The following CDH4 variants were observed in gnomAD, a reference collection of about 807,000 sequenced individuals.
The protein encoded by CDH4 is cadherin-4.
A neutral mutation model predicts 86.0 loss-of-function variants in CDH4; 33 were observed. The ratio of observed to expected loss-of-function variants is 0.38; its 90% CI spans 0.29 to 0.51. The LOEUF is 0.51. Ranked by LOEUF, CDH4 falls within the 20% of genes least tolerant of loss-of-function variation. The probability of loss-of-function intolerance (pLI) is 0.86; values close to 1 mark genes in which losing one functional copy is unlikely to be tolerated. For synonymous variants in CDH4, 555 were observed against 549.4 expected (o/e 1.01, Z -0.14); for missense variants, 1,114 against 1,307.4 (o/e 0.85, Z 2.28).
intron 7 of CDH4, among the ~76,000 whole-genome samples, chr20:61,878,038 G>T (rs942844165): frequency 3.9e-5 from 6 of 152,180 alleles, no homozygotes; most frequent in Non-Finnish European, 8.8e-5. Flanking sequence ...GACGGGCGTG[G>T]TCATCCCAGA....
chr20:61,370,679 T>G (rs1330342211), intron 2 of CDH4: 1 of 152,234 alleles, frequency 6.6e-6, no homozygotes, highest in Non-Finnish European at 1.5e-5. Flanking sequence ...TGTAAATAAC[T>G]CAATGGTAAA....
At chr20:61,453,254 CA>C (rs1399976632) in intron 2 of CDH4, among the ~76,000 whole-genome samples, 2 of 152,120 alleles carry the variant, frequency 1.3e-5, no homozygotes, top group African/African-American at 4.8e-5. Context: ...ATTTTTCTGT[CA>C]TGGGAGCAGT....
intron 2 of CDH4, among the ~76,000 whole-genome samples, chr20:61,690,745 A>T (rs370026290): frequency 6.6e-6 from 1 of 152,136 alleles, no homozygotes; most frequent in African/African-American, 2.4e-5. Context: ...ACCTCTCCTC[A>T]CAATGGACTT....
At chr20:61,923,886 T>C (rs1477851333) in intron 10 of CDH4, among the ~76,000 whole-genome samples, 182 bp downstream of exon 10, 1 of 152,222 alleles carries the variant, frequency 6.6e-6, no homozygotes, top group African/African-American at 2.4e-5. Flanking sequence ...GATAGCCAGA[T>C]GCAGCCCCTG....
At chr20:61,477,833 G>A (rs6061543) in intron 2 of CDH4, among the ~76,000 whole-genome samples, 21,421 of 152,168 alleles carry the variant, frequency 0.14, 2,608 homozygotes, top group African/African-American at 0.33. Flanking sequence ...TCATGATCCC[G>A]TTGCTGGGTG....
chr20:61,388,431 C>A (rs922676599), intron 2 of CDH4, among the ~76,000 whole-genome samples: 11 of 129,766 alleles, frequency 8.5e-5, no homozygotes, highest in African/African-American at 3.0e-4. Context: ...CACTTCCTGT[C>A]CCAGAAGTGG....
intron 2 of CDH4, among the ~76,000 whole-genome samples, chr20:61,622,495 A>T (rs2086786753): frequency 6.6e-6 from 1 of 152,278 alleles, no homozygotes; most frequent in South Asian, 2.1e-4. Context: ...TCCGAGGACC[A>T]GACACTTGTG....
intron 2 of CDH4, among the ~76,000 whole-genome samples, chr20:61,389,498 T>C (rs1476180658): frequency 6.6e-6 from 1 of 152,200 alleles, no homozygotes; most frequent in East Asian, 1.9e-4. Context: ...TATTTGTTGA[T>C]TGGATTTGAC....
At chr20:61,885,176 A>G (rs1419222825) in intron 7 of CDH4, among the ~76,000 whole-genome samples, 1 of 152,176 alleles carries the variant, frequency 6.6e-6, no homozygotes, top group Non-Finnish European at 1.5e-5. Flanking sequence ...CTCACACGCC[A>G]CCAAACACAC....
At chr20:61,481,781 C>T (rs184816836) in intron 2 of CDH4, among the ~76,000 whole-genome samples, 2 of 152,080 alleles carry the variant, frequency 1.3e-5, no homozygotes, top group Admixed American at 6.5e-5. Context: ...CTGTTTGTGC[C>T]GTTATGTATA....
At chr20:61,685,171 G>A (rs1164865353) in intron 2 of CDH4, among the ~76,000 whole-genome samples, 1 of 152,210 alleles carries the variant, frequency 6.6e-6, no homozygotes, top group African/African-American at 2.4e-5. Context: ...TGCTACAGGT[G>A]GGATTGTCTT....
intron 7 of CDH4, among the ~76,000 whole-genome samples, chr20:61,892,456 C>T (rs1600743557): frequency 2.0e-5 from 3 of 152,136 alleles, no homozygotes; most frequent in East Asian, 1.9e-4. Flanking sequence ...ACACAATAAA[C>T]GTAAAAGTGC....
chr20:61,511,666 GAGAA>G (rs1294005558), intron 2 of CDH4, among the ~76,000 whole-genome samples: 1 of 152,208 alleles, frequency 6.6e-6, no homozygotes, highest in Non-Finnish European at 1.5e-5. Context: ...TTTCTAGATG[GAGAA>G]AGAAAGACGA....
chr20:61,526,427 C>T (rs1200588224), intron 2 of CDH4, among the ~76,000 whole-genome samples: 3 of 152,044 alleles, frequency 2.0e-5, no homozygotes, highest in Non-Finnish European at 2.9e-5. Flanking sequence ...ATGTCTCCTC[C>T]GACGATGGAC....
At chr20:61,760,430 GT>G (rs2145968882) in intron 3 of CDH4, among the ~76,000 whole-genome samples, 1 of 152,290 alleles carries the variant, frequency 6.6e-6, no homozygotes, top group East Asian at 1.9e-4. Flanking sequence ...TCCATGCTCT[GT>G]GTCCTGTGAG....
chr20:61,277,821 G>A (rs746548685), intron 2 of CDH4, among the ~76,000 whole-genome samples: 2 of 152,178 alleles, frequency 1.3e-5, no homozygotes, highest in East Asian at 3.8e-4. Flanking sequence ...AGCACTGGAC[G>A]GCCTCCGCTT....
intron 2 of CDH4, among the ~76,000 whole-genome samples, chr20:61,694,837 C>T (rs1026957546): frequency 2.6e-5 from 4 of 152,188 alleles, no homozygotes; most frequent in Non-Finnish European, 4.4e-5. Context: ...CCTGCTCTGC[C>T]GAGCGCTGGC....
At chr20:61,282,188 A>C (rs1600830906) in intron 2 of CDH4, among the ~76,000 whole-genome samples, 1 of 152,120 alleles carries the variant, frequency 6.6e-6, no homozygotes, top group East Asian at 1.9e-4. Context: ...GTGAAACCCC[A>C]TCTCTACTAA....
chr20:61,738,151 G>C (rs531067830), intron 2 of CDH4: 1 of 152,178 alleles, frequency 6.6e-6, no homozygotes, highest in African/African-American at 2.4e-5. Context: ...CTGGCTTTGG[G>C]GTCTGCAGCA....
Sources: allele counts gnomAD v4.1 joint callset (sites outside exome capture counted in the v4.1 genomes callset), GRCh38; gene constraint gnomAD v4.1.1; transcripts MANE v1.5; gene names NCBI Gene and HGNC (gene_info 2026-07-23, HGNC 2026-07-21).